The following CPLANE1 variants were observed in gnomAD, a reference collection of about 807,000 sequenced individuals.
The protein encoded by CPLANE1 is ciliogenesis and planar polarity effector complex subunit 1, also known as ciliogenesis and planar polarity effector 1.
CPLANE1 carries 263 observed loss-of-function variants against 362.5 expected under a neutral mutation model. The ratio of observed to expected loss-of-function variants is 0.73; its 90% CI spans 0.66 to 0.80. CPLANE1 has a LOEUF of 0.80. Ranked by LOEUF, CPLANE1 falls within the 30% of genes least tolerant of loss-of-function variation. CPLANE1 has a pLI of 0.00. For missense variants in CPLANE1, 3,461 were observed against 3,793.4 expected, an observed-to-expected ratio of 0.91 and a Z score of 2.30; for synonymous variants, 1,212 against 1,302.6, an observed-to-expected ratio of 0.93 and a Z score of 1.50.
rs1797585988 is a variant in CPLANE1 at position 37,230,855 on chromosome 5, C to T, written c.1121+12G>A. On this transcript the variant is annotated intron_variant, in intron 9 of 52. Transcript: ENST00000651892. Reference sequence around the variant, plus strand: ...AATCTATAAACAAATTAACACAATTCAAATGTCTCACCTATACGTTATTAG... The same window carrying T: ...AATCTATAAACAAATTAACACAATTTAAATGTCTCACCTATACGTTATTAG... 2.1e-6 allele frequency: 3 copies of T among 1,413,410 alleles called. No individual in the cohort carries two copies. Among genetic ancestry groups the T allele is most frequent in the South Asian group, 3.3e-5 (2 of 60,046 alleles). The allele number at this position is 1,413,410 out of a possible 1,614,324, so 87.6% of individuals were successfully genotyped here.
intron 42 of CPLANE1, among the ~76,000 whole-genome samples, chr5:37,152,370 C>T (rs184708425): frequency 7.2e-5 from 11 of 152,106 alleles, no homozygotes; most frequent in African/African-American, 2.2e-4. Context: ...GATGAGGTCT[C>T]GCTACGTTGC....
intron 4 of CPLANE1, 129 bp downstream of exon 4, chr5:37,245,350 T>TATATATAC (rs1554117324): frequency 1.8e-5 from 2 of 108,832 alleles, no homozygotes; most frequent in Non-Finnish European, 3.8e-5. Context: ...TATATATATA[T>TATATATAC]ACACACACTC....
At chr5:37,135,959 A>T (rs575582861) in intron 46 of CPLANE1, among the ~76,000 whole-genome samples, 16 of 152,228 alleles carry the variant, frequency 1.1e-4, no homozygotes, top group Non-Finnish European at 2.2e-4. Context: ...TATGGGAACT[A>T]CAATTCAAGA....
the CPLANE1 span, among the ~76,000 whole-genome samples, chr5:37,092,125 T>C: frequency 2.0e-5 from 3 of 152,198 alleles, no homozygotes; most frequent in African/African-American, 7.2e-5. Flanking sequence ...CCCGCCTTTC[T>C]TTCGCCCTGT....
intron 43 of CPLANE1, among the ~76,000 whole-genome samples, chr5:37,145,058 C>A (rs779481452): frequency 5.3e-5 from 8 of 152,152 alleles, no homozygotes; most frequent in Non-Finnish European, 7.3e-5. Flanking sequence ...GTAATCCCAG[C>A]ACTTTGGAAG....
At chr5:37,180,421 G>A (rs1404426046) in intron 27 of CPLANE1, among the ~76,000 whole-genome samples, 1 of 152,036 alleles carries the variant, frequency 6.6e-6, no homozygotes, top group African/African-American at 2.4e-5. Flanking sequence ...AGATTGTTCA[G>A]TAAATAACTA....
the CPLANE1 span, among the ~76,000 whole-genome samples, chr5:37,076,083 TA>T: frequency 6.6e-6 from 1 of 151,206 alleles, no homozygotes; most frequent in African/African-American, 2.4e-5. Context: ...TATCAATCAC[TA>T]CAAAAAAAAC....
intron 30 of CPLANE1, among the ~76,000 whole-genome samples, chr5:37,176,994 A>G (rs1781350418): frequency 6.6e-6 from 1 of 152,096 alleles, no homozygotes; most frequent in Non-Finnish European, 1.5e-5. Flanking sequence ...TCTTGACCTC[A>G]TGATCCACCC....
intron 41 of CPLANE1, among the ~76,000 whole-genome samples, chr5:37,156,281 C>T (rs1278327440): frequency 6.6e-6 from 1 of 152,080 alleles, no homozygotes; most frequent in Non-Finnish European, 1.5e-5. Context: ...TAACCAGTCA[C>T]AGGATGTAGT....
chr5:37,143,416 C>A (rs1274233498), intron 43 of CPLANE1, among the ~76,000 whole-genome samples: 1 of 151,610 alleles, frequency 6.6e-6, no homozygotes, highest in Admixed American at 6.6e-5. Flanking sequence ...ATAGGAACAG[C>A]AATAAAAAAA....
At chr5:37,181,849 T>C (rs945028780) in intron 26 of CPLANE1, among the ~76,000 whole-genome samples, 2 of 148,842 alleles carry the variant, frequency 1.3e-5, no homozygotes, top group Non-Finnish European at 3.0e-5. Context: ...TCCCAGCACT[T>C]TGGGAGGCCG....
At chr5:37,148,362 A>G in intron 42 of CPLANE1, 94 bp from the exon 43 acceptor site, 1 of 839,036 alleles carries the variant, frequency 1.2e-6, no homozygotes, top group Non-Finnish European at 1.8e-6. Context: ...ACTTGCATTA[A>G]TGCAAAAGTG....
At chr5:37,186,119 A>T (rs1199777318) in intron 24 of CPLANE1, among the ~76,000 whole-genome samples, 167 bp downstream of exon 24, 2 of 152,240 alleles carry the variant, frequency 1.3e-5, no homozygotes, top group African/African-American at 4.8e-5. Context: ...AAAGCAAGAG[A>T]TTAGTCTTTC....
At chr5:37,190,259 G>A (rs1464149799) in intron 21 of CPLANE1, among the ~76,000 whole-genome samples, 8 of 151,924 alleles carry the variant, frequency 5.3e-5, no homozygotes, top group Non-Finnish European at 1.0e-4. Flanking sequence ...TGGGGGCAAG[G>A]AAACTTTTAT....
intron 41 of CPLANE1, among the ~76,000 whole-genome samples, chr5:37,156,801 G>A (rs929998038): frequency 4.6e-5 from 7 of 152,062 alleles, no homozygotes; most frequent in South Asian, 2.1e-4. Context: ...GAAGGAGGGA[G>A]GAAGGTAAGG....
the CPLANE1 span, among the ~76,000 whole-genome samples, chr5:37,086,867 C>T: frequency 3.3e-5 from 5 of 152,266 alleles, no homozygotes; most frequent in East Asian, 9.7e-4. Context: ...AGGACAGTCC[C>T]CCACAGGTGG....
chr5:37,091,811 G>A, the CPLANE1 span, among the ~76,000 whole-genome samples: 1 of 152,130 alleles, frequency 6.6e-6, no homozygotes, highest in Non-Finnish European at 1.5e-5. Context: ...CCATACCATG[G>A]TGTGGCTAGG....
At position 37,209,977 on chromosome 5, in the gene CPLANE1, G is replaced by A; in HGVS notation, c.2921-3552C>T. 1 of 995,528 alleles carries A rather than the reference G, an allele frequency of 1.0e-6. No homozygotes were observed. Among genetic ancestry groups the A allele is most frequent in the Non-Finnish European group, 1.6e-6 (1 of 624,906 alleles). The allele number at this position is 995,528 out of a possible 1,614,324, so 61.7% of individuals were successfully genotyped here. A position where few individuals can be genotyped will look rare whatever the true frequency, so the allele number is the denominator to read the frequency against. On this transcript the variant is annotated intron_variant, in intron 16 of 52. Transcript: ENST00000651892. This position sits in a 1 kb window ranked among gnomAD's most constrained non-coding sequence, Gnocchi z 4.6. ...GAAATAAAGCTAAATGAATATAAGA[G>A]AGAAATAGAAGAGCAACTTCGGGAA...
At chr5:37,190,413 GA>G (rs11435905) in intron 21 of CPLANE1, among the ~76,000 whole-genome samples, 20 of 136,684 alleles carry the variant, frequency 1.5e-4, no homozygotes, top group Admixed American at 2.9e-4. Flanking sequence ...ATGAAAAAAT[GA>G]AAAAAAAAAA....
Sources: gnomAD v4.1 joint callset for allele counts (sites outside exome capture counted in the v4.1 genomes callset) on GRCh38, gnomAD v4.1.1 for gene constraint, Gnocchi (gnomAD v3.1) non-coding constraint, MANE v1.5 for transcripts, NCBI Gene and HGNC (gene_info 2026-07-23, HGNC 2026-07-21) for gene names.